Variants in ELFN1 observed in about 807,000 individuals in gnomAD.
ELFN1 encodes the protein protein ELFN1.
In ELFN1, 6 loss-of-function variants were observed where a neutral mutation model predicts 7.6. That is an observed-to-expected ratio of 0.79 (90% CI 0.43 to 1.56). The LOEUF is 1.56. ELFN1 is among the 40% of genes most tolerant of loss of function. ELFN1 has a pLI of 0.01. For synonymous variants in ELFN1, 657 were observed against 588.1 expected, an observed-to-expected ratio of 1.12 and a Z score of -1.70; for missense variants, 1,169 against 1,232.2, an observed-to-expected ratio of 0.95 and a Z score of 0.77.
intron 3 of ELFN1, among the ~76,000 whole-genome samples, chr7:1,716,940 G>C (rs1027797994): frequency 3.3e-5 from 5 of 152,204 alleles, no homozygotes; most frequent in Admixed American, 2.6e-4. Context: ...GAGCCAGAGG[G>C]AAATTAGTAG....
intron 3 of ELFN1, among the ~76,000 whole-genome samples, chr7:1,728,996 C>A (rs1471198438): frequency 6.6e-6 from 1 of 152,196 alleles, no homozygotes; most frequent in Non-Finnish European, 1.5e-5. Context: ...TAAGGACATT[C>A]TGCAAATCAC....
At chr7:1,700,284 G>A (rs1779400306) in intron 2 of ELFN1, among the ~76,000 whole-genome samples, 1 of 152,216 alleles carries the variant, frequency 6.6e-6, no homozygotes, top group Admixed American at 6.5e-5. Context: ...GAATGCATCT[G>A]CGTGACCACA....
upstream of ELFN1, among the ~76,000 whole-genome samples, chr7:1,667,603 G>A (rs1434064024): frequency 6.6e-6 from 1 of 152,148 alleles, no homozygotes; most frequent in Non-Finnish European, 1.5e-5. The surrounding 1 kb of genome is among the most constrained non-coding windows in gnomAD (Gnocchi z 8.2). Flanking sequence ...TGGGGGACGG[G>A]GAATACGGAG....
At chr7:1,679,862 G>T (rs961345496) in intron 1 of ELFN1, among the ~76,000 whole-genome samples, 1 of 152,236 alleles carries the variant, frequency 6.6e-6, no homozygotes, top group African/African-American at 2.4e-5. Flanking sequence ...ATTGTGCAGG[G>T]TCACCTTTGC....
chr7:1,729,958 C>A (rs1385849910), intron 3 of ELFN1, among the ~76,000 whole-genome samples: 2 of 152,232 alleles, frequency 1.3e-5, no homozygotes, highest in African/African-American at 2.4e-5. Flanking sequence ...CGGGGGTGGT[C>A]TCACAGGCCT....
At position 1,744,783 on chromosome 7, in the gene ELFN1, G is replaced by T; in HGVS notation, c.187G>T (p.Val63Leu). Residue 63 changes from valine (V) to leucine (L), a missense_variant, in exon 4 of 4, where the codon GTG (valine) becomes TTG (leucine). Physicochemically the swap from Val to Leu is conservative, Grantham distance 32. This residue lies in a region of ELFN1 where 255 missense variants were observed against 359.6 expected (regional missense o/e 0.71). Transcript: ENST00000424383. ...CCCACAGCAGATCAACAGCACCATC[G>T]TGGACCTGCGGCTCAACGAGAACCG... ...AIPQQINSTI[V>L]DLRLNENRIR... 2 of 1,555,968 alleles carry T rather than the reference G, an allele frequency of 1.3e-6. No individual in the cohort carries two copies. The highest frequency in any genetic ancestry group is 1.7e-6 in the Non-Finnish European group (2 of 1,149,310).
intron 3 of ELFN1, among the ~76,000 whole-genome samples, chr7:1,741,438 C>T (rs924394703): frequency 1.1e-4 from 17 of 152,176 alleles, no homozygotes; most frequent in African/African-American, 2.2e-4. Flanking sequence ...GGGCTGGGGA[C>T]GGCCTGCCTC....
chr7:1,688,834 C>A (rs1248726426), intron 2 of ELFN1, among the ~76,000 whole-genome samples: 1 of 152,152 alleles, frequency 6.6e-6, no homozygotes, highest in Non-Finnish European at 1.5e-5. Flanking sequence ...CTTTTATAGC[C>A]ATGCCCCCTT....
intron 3 of ELFN1, among the ~76,000 whole-genome samples, chr7:1,713,987 C>T (rs1779749051): frequency 6.6e-6 from 1 of 152,192 alleles, no homozygotes; most frequent in Admixed American, 6.5e-5. Flanking sequence ...CTGGCGGCTG[C>T]TGAGCAAACA....
chr7:1,736,679 C>T (rs1432073579), intron 3 of ELFN1, among the ~76,000 whole-genome samples: 3 of 152,296 alleles, frequency 2.0e-5, no homozygotes, highest in Middle Eastern at 3.4e-3. Flanking sequence ...AGACACCAGG[C>T]GCCGCACACA....
chr7:1,687,543 G>A (rs1245741639), intron 1 of ELFN1, among the ~76,000 whole-genome samples: 2 of 151,928 alleles, frequency 1.3e-5, no homozygotes, highest in African/African-American at 4.8e-5. Flanking sequence ...GCATAGGACT[G>A]TACAGTTGTC....
chr7:1,733,152 C>T (rs925163755), intron 3 of ELFN1, among the ~76,000 whole-genome samples: 7 of 152,214 alleles, frequency 4.6e-5, no homozygotes, highest in Admixed American at 2.0e-4. Flanking sequence ...CCACCCACCT[C>T]GGCTTCCCAA....
At chr7:1,715,428 C>A (rs1032214993) in intron 3 of ELFN1, among the ~76,000 whole-genome samples, 3 of 152,086 alleles carry the variant, frequency 2.0e-5, no homozygotes, top group African/African-American at 7.2e-5. Flanking sequence ...ATCCTGTCTC[C>A]CCTCTGCACA....
intron 3 of ELFN1, among the ~76,000 whole-genome samples, chr7:1,715,352 C>T (rs1047987114): frequency 2.0e-5 from 3 of 152,184 alleles, no homozygotes; most frequent in African/African-American, 7.2e-5. Flanking sequence ...TCCCTGCTTC[C>T]GCCTCCACCC....
intron 2 of ELFN1, among the ~76,000 whole-genome samples, chr7:1,704,576 C>T (rs565183899): frequency 1.3e-5 from 2 of 152,326 alleles, no homozygotes; most frequent in South Asian, 2.1e-4. Flanking sequence ...GCTCCACCTA[C>T]AGCAGTACTA....
chr7:1,725,930 GCACTCACAAATACA>G (rs992905556), intron 3 of ELFN1, among the ~76,000 whole-genome samples: 2 of 150,030 alleles, frequency 1.3e-5, no homozygotes, highest in African/African-American at 5.0e-5. Context: ...ACACACCCTC[GCACTCACAAATACA>G]CACGCACAAA....
rs1779511685 is a variant in ELFN1 at position 1,705,450 on chromosome 7, C to G, written c.-455-3641C>G. 6.6e-6 allele frequency among the ~76,000 whole-genome samples: 1 copy of G among 152,232 alleles called. No individual in the cohort carries two copies. Among genetic ancestry groups the G allele is most frequent in the South Asian group, 2.1e-4 (1 of 4,836 alleles). ...TTCATCCTGGAAGGAGGAGGAGGAG[C>G]TCCCCCCAACCGCCAGGGTGCCAGG... On this transcript the variant is annotated intron_variant, in intron 2 of 3. Coordinates refer to ENST00000424383, the MANE Select transcript of ELFN1 (RefSeq NM_001128636.4). The surrounding 1 kb of genome is among the most constrained non-coding windows in gnomAD (Gnocchi z 4.3).
Position 1,746,439 on chromosome 7 carries a change from G to C in ELFN1, c.1843G>C (p.Gly615Arg), listed in dbSNP as rs973943329. 3.3e-6 allele frequency: 5 copies of C among 1,530,506 alleles called. No individual in the cohort carries two copies. The highest frequency in any genetic ancestry group is 2.6e-6 in the Non-Finnish European group (3 of 1,141,870). 94.8% of individuals were successfully genotyped at this position (1,530,506 alleles called of 1,614,324 possible). A position where few individuals can be genotyped will look rare whatever the true frequency, so the allele number is the denominator to read the frequency against. ...CGCCAAGCACGGCTTCCTGGCGCCC[G>C]GGTACAAGGACGCCTTCGGCCACAG... The part of the protein sequence containing the change: ...LAAKHGFLAP[G>R]YKDAFGHSLQ... The change falls in exon 4 of 4, where the codon GGG (glycine) becomes CGG (arginine). Residue 615 changes from glycine (G) to arginine (R), a missense_variant. This residue lies in a region of ELFN1 where 914 missense variants were observed against 872.6 expected (regional missense o/e 1.05). Transcript: ENST00000424383.
At chr7:1,680,661 T>A (rs1778957875) in intron 1 of ELFN1, among the ~76,000 whole-genome samples, 1 of 152,002 alleles carries the variant, frequency 6.6e-6, no homozygotes, top group South Asian at 2.1e-4. Context: ...ATAAAACATT[T>A]TCATGCCCAA....
Sources: allele counts gnomAD v4.1 joint callset (sites outside exome capture counted in the v4.1 genomes callset), GRCh38; gene constraint gnomAD v4.1.1; regional missense constraint gnomAD v4.1.1; non-coding constraint Gnocchi (gnomAD v3.1); transcripts MANE v1.5; gene names NCBI Gene and HGNC (gene_info 2026-07-23, HGNC 2026-07-21).